The following ZNF407 variants were observed in gnomAD, a reference collection of about 807,000 sequenced individuals.
ZNF407 encodes zinc finger protein 407.
Under a neutral mutation model 131.2 loss-of-function variants are expected in ZNF407, and 17 were observed. The ratio of observed to expected loss-of-function variants is 0.13; its 90% confidence interval spans 0.09 to 0.19. The LOEUF (loss-of-function observed/expected upper bound fraction) is 0.19. ZNF407 is among the 10% of genes least tolerant of loss of function. The probability of loss-of-function intolerance (pLI) is 1.00; values close to 1 mark genes in which losing one functional copy is unlikely to be tolerated. For synonymous variants in ZNF407, 1,156 were observed against 1,062.0 expected (o/e 1.09, Z -1.72); for missense variants, 2,681 against 2,830.6 (o/e 0.95, Z 1.20).
intron 4 of ZNF407, among the ~76,000 whole-genome samples, chr18:74,868,434 G>A (rs1971042597): frequency 6.6e-6 from 1 of 152,180 alleles, no homozygotes; most frequent in South Asian, 2.1e-4. Context: ...ATTGTGAAAA[G>A]CAAGCACGAA....
chr18:75,034,300 GTT>G (rs71170337), intron 8 of ZNF407, among the ~76,000 whole-genome samples: 26 of 115,208 alleles, frequency 2.3e-4, no homozygotes, highest in East Asian at 4.9e-4. Flanking sequence ...TCTGTGTTGG[GTT>G]TTTTTTTTTT....
chr18:74,725,898 G>T (rs958897401), intron 3 of ZNF407, among the ~76,000 whole-genome samples: 5 of 152,098 alleles, frequency 3.3e-5, no homozygotes, highest in Non-Finnish European at 5.9e-5. Flanking sequence ...TTGTGGATTG[G>T]CCTATCGACA....
intron 3 of ZNF407, among the ~76,000 whole-genome samples, chr18:74,702,595 T>G (rs1291132976): frequency 6.6e-6 from 1 of 152,182 alleles, no homozygotes. Context: ...TAAATTGAGA[T>G]ACATTTAGTT....
At chr18:75,020,164 A>T (rs1973090425) in intron 8 of ZNF407, among the ~76,000 whole-genome samples, 1 of 152,192 alleles carries the variant, frequency 6.6e-6, no homozygotes, top group African/African-American at 2.4e-5. Context: ...CTATTTTATT[A>T]GTTATTGCTA....
intron 4 of ZNF407, among the ~76,000 whole-genome samples, chr18:74,782,218 C>T (rs529745104): frequency 6.6e-6 from 1 of 152,284 alleles, no homozygotes; most frequent in African/African-American, 2.4e-5. Flanking sequence ...CCCTCAGATT[C>T]TCCAAGGTAG....
chr18:74,907,967 A>T (rs1275850139), intron 7 of ZNF407, among the ~76,000 whole-genome samples: 1 of 152,210 alleles, frequency 6.6e-6, no homozygotes, highest in Non-Finnish European at 1.5e-5. Context: ...CTTAGTTTTT[A>T]GAGACCTTGA....
At chr18:74,903,717 A>G (rs1409630810) in intron 7 of ZNF407, among the ~76,000 whole-genome samples, 1 of 152,218 alleles carries the variant, frequency 6.6e-6, no homozygotes, top group Non-Finnish European at 1.5e-5. Context: ...CAGAGTGGCA[A>G]GATAAAAATG....
At chr18:75,027,557 G>A (rs1973186096) in intron 8 of ZNF407, among the ~76,000 whole-genome samples, 2 of 152,160 alleles carry the variant, frequency 1.3e-5, no homozygotes, top group Non-Finnish European at 2.9e-5. Context: ...GGATATGGAA[G>A]GTAGGGAGGG....
At chr18:74,874,576 C>G (rs1971130345) in intron 4 of ZNF407, among the ~76,000 whole-genome samples, 2 of 152,122 alleles carry the variant, frequency 1.3e-5, no homozygotes. Flanking sequence ...TTGCCTCTAG[C>G]TCCGGGACTG....
At chr18:74,830,450 T>G (rs554890263) in intron 4 of ZNF407, among the ~76,000 whole-genome samples, 4 of 152,040 alleles carry the variant, frequency 2.6e-5, no homozygotes, top group Non-Finnish European at 5.9e-5. Context: ...GCCTGGCTAA[T>G]TTTTGTTTGT....
At chr18:74,755,582 G>GCTTTT (rs1968917546) in intron 3 of ZNF407, among the ~76,000 whole-genome samples, 1 of 87,360 alleles carries the variant, frequency 1.1e-5, no homozygotes, top group African/African-American at 5.7e-5. Flanking sequence ...CTCCTTTCTG[G>GCTTTT]TTTTTTTTTT....
chr18:74,749,544 T>TA (rs1457905453), intron 3 of ZNF407, among the ~76,000 whole-genome samples: 3 of 152,194 alleles, frequency 2.0e-5, no homozygotes, highest in African/African-American at 7.2e-5. Flanking sequence ...CTGTCTTTGT[T>TA]ATCTGTTGTG....
At chr18:75,001,279 A>C (rs1338998833) in intron 8 of ZNF407, among the ~76,000 whole-genome samples, 1 of 152,228 alleles carries the variant, frequency 6.6e-6, no homozygotes, top group Non-Finnish European at 1.5e-5. Context: ...AAATGGGACA[A>C]ATAATATTAT....
intron 4 of ZNF407, among the ~76,000 whole-genome samples, chr18:74,873,817 T>C (rs555841306): frequency 6.6e-6 from 1 of 152,312 alleles, no homozygotes; most frequent in Non-Finnish European, 1.5e-5. Context: ...ATTCCAAGTT[T>C]AGCATAACAG....
In ZNF407 at chr18:74,766,009, CTGTGTGTGTGTGTGTGTGTGTG is replaced by C. The variant is rs58103313; in HGVS notation, c.4803-15393_4803-15372del. 7.0e-3 allele frequency among the ~76,000 whole-genome samples: 1,026 copies of C among 147,546 alleles called. 16 individuals carry two copies. Among genetic ancestry groups the C allele is most frequent in the East Asian group, 0.057 (289 of 5,028 alleles). On this transcript the variant is annotated intron_variant, in intron 3 of 8. Transcript: ENST00000299687. ...GCCACTGTGATATACGCATATTACT[CTGTGTGTGTGTGTGTGTGTGTG>C]TGTGTGTGTGTGTGTGTGTGTGTGT...
intron 8 of ZNF407, among the ~76,000 whole-genome samples, chr18:75,012,984 A>G (rs1033555740): frequency 6.0e-5 from 9 of 150,316 alleles, no homozygotes; most frequent in African/African-American, 1.9e-4. Context: ...TAGGAGGCAC[A>G]TAACGTGTGT....
At chr18:74,676,476 A>C (rs79973543) in intron 3 of ZNF407, among the ~76,000 whole-genome samples, 29 of 143,118 alleles carry the variant, frequency 2.0e-4, no homozygotes, top group Admixed American at 9.4e-4. Flanking sequence ...TCGCTCTGTC[A>C]CCCAGGCTGG....
At chr18:75,011,914 A>AT (rs936604261) in intron 8 of ZNF407, among the ~76,000 whole-genome samples, 5 of 152,256 alleles carry the variant, frequency 3.3e-5, no homozygotes, top group East Asian at 1.9e-4. Flanking sequence ...GTTTAGGAAG[A>AT]TTTTTTTAAT....
intron 6 of ZNF407, among the ~76,000 whole-genome samples, chr18:74,886,042 G>A (rs201580383): frequency 6.6e-6 from 1 of 152,200 alleles, no homozygotes; most frequent in South Asian, 2.1e-4. Flanking sequence ...TAAGACAAAT[G>A]ACAGAGAAAG....
Sources: allele counts gnomAD v4.1 joint callset (sites outside exome capture counted in the v4.1 genomes callset), GRCh38; gene constraint gnomAD v4.1.1; transcripts MANE v1.5; gene names NCBI Gene and HGNC (gene_info 2026-07-23, HGNC 2026-07-21).